Variants in PDE1A observed in about 807,000 individuals in gnomAD.
PDE1A encodes dual specificity calcium/calmodulin-dependent 3',5'-cyclic nucleotide phosphodiesterase 1A.
Under a neutral mutation model 61.7 loss-of-function variants are expected in PDE1A, and 35 were observed. That is an observed-to-expected ratio of 0.57 (90% CI 0.43 to 0.75). The LOEUF (loss-of-function observed/expected upper bound fraction) is 0.75, where lower values mean the gene tolerates loss of function less well. Ranked by LOEUF, PDE1A falls within the 30% of genes least tolerant of loss-of-function variation. The pLI is 0.00. For synonymous variants in PDE1A, 232 were observed against 213.2 expected, an observed-to-expected ratio of 1.09 and a Z score of -0.77; for missense variants, 597 against 630.6, an observed-to-expected ratio of 0.95 and a Z score of 0.57.
At chr2:182,609,462 A>G in the PDE1A span, among the ~76,000 whole-genome samples, 1 of 152,190 alleles carries the variant, frequency 6.6e-6, no homozygotes, top group African/African-American at 2.4e-5. Flanking sequence ...TTGGGTCCAC[A>G]CTTCCTTTAT....
intron 2 of PDE1A, among the ~76,000 whole-genome samples, chr2:182,489,163 C>A (rs957703863): frequency 6.6e-6 from 1 of 152,122 alleles, no homozygotes; most frequent in East Asian, 1.9e-4. Flanking sequence ...GTATCTCAGA[C>A]AAGAGTGTAC....
At chr2:182,642,848 A>G in the PDE1A span, among the ~76,000 whole-genome samples, 35 of 152,278 alleles carry the variant, frequency 2.3e-4, no homozygotes, top group Non-Finnish European at 4.4e-4. Flanking sequence ...TGCGTCTTCC[A>G]GTGACACTTT....
At chr2:182,453,153 T>C (rs186730564) in intron 2 of PDE1A, among the ~76,000 whole-genome samples, 4 of 152,260 alleles carry the variant, frequency 2.6e-5, no homozygotes, top group African/African-American at 9.6e-5. Context: ...TAAATTATAG[T>C]TTCTGCTCAA....
At chr2:182,679,599 A>G in the PDE1A span, among the ~76,000 whole-genome samples, 13 of 152,132 alleles carry the variant, frequency 8.5e-5, no homozygotes, top group Non-Finnish European at 1.9e-4. Context: ...AATTACAAAT[A>G]AGATAAAACT....
chr2:182,251,800 C>T (rs1691423335), intron 2 of PDE1A, among the ~76,000 whole-genome samples: 1 of 152,068 alleles, frequency 6.6e-6, no homozygotes, highest in African/African-American at 2.4e-5. Flanking sequence ...AGAAGAGTCC[C>T]CATGAAAGTA....
chr2:182,151,408 C>T (rs138342156), intron 13 of PDE1A, among the ~76,000 whole-genome samples: 26 of 152,210 alleles, frequency 1.7e-4, no homozygotes, highest in African/African-American at 5.5e-4. Flanking sequence ...CCCTGCCCCC[C>T]TCACAGCAAT....
intron 4 of PDE1A, among the ~76,000 whole-genome samples, chr2:182,233,419 A>G (rs1197865219): frequency 6.6e-6 from 1 of 152,184 alleles, no homozygotes; most frequent in African/African-American, 2.4e-5. Context: ...CTGATCTGAC[A>G]GGAGGCAGAG....
intron 1 of PDE1A, among the ~76,000 whole-genome samples, chr2:182,376,974 A>C (rs753013931): frequency 1.2e-4 from 18 of 152,208 alleles, no homozygotes; most frequent in Admixed American, 3.3e-4. Context: ...CCCATGATTC[A>C]AATTATCTTC....
At chr2:182,502,850 T>C (rs575220819) in intron 2 of PDE1A, among the ~76,000 whole-genome samples, 1 of 152,314 alleles carries the variant, frequency 6.6e-6, no homozygotes, top group East Asian at 1.9e-4. Flanking sequence ...TTTGTGCCTA[T>C]GGAGCTACCC....
chr2:182,526,906 C>A (rs929932969), upstream of PDE1A, among the ~76,000 whole-genome samples: 4 of 152,042 alleles, frequency 2.6e-5, no homozygotes, highest in East Asian at 1.9e-4. Flanking sequence ...TTATGAATAT[C>A]TGTTGCTATG....
the PDE1A span, among the ~76,000 whole-genome samples, chr2:182,716,685 A>T: frequency 4.9e-3 from 740 of 152,202 alleles, 13 homozygotes; most frequent in African/African-American, 0.017. Context: ...CCTCTCAGTT[A>T]CTTACACTTT....
chr2:182,547,337 C>T, the PDE1A span, among the ~76,000 whole-genome samples: 1 of 152,072 alleles, frequency 6.6e-6, no homozygotes, highest in African/African-American at 2.4e-5. Flanking sequence ...AATAAATCTA[C>T]CCCCACAAAA....
At chr2:182,714,372 T>C in the PDE1A span, among the ~76,000 whole-genome samples, 4 of 152,160 alleles carry the variant, frequency 2.6e-5, no homozygotes, top group African/African-American at 9.7e-5. Context: ...ATCTAGACAT[T>C]ACCCATGAGT....
At chr2:182,377,650 A>G (rs1700489049) in intron 1 of PDE1A, among the ~76,000 whole-genome samples, 1 of 152,138 alleles carries the variant, frequency 6.6e-6, no homozygotes, top group Non-Finnish European at 1.5e-5. Context: ...TAATTACACA[A>G]TCTCTTTATG....
At position 182,204,012 on chromosome 2, in the gene PDE1A, C is replaced by A. The variant is rs548187873; in HGVS notation, c.902+1928G>T. ...TACCAAACAGAAACTTAGACAATTA[C>A]AGCAATAAACTATTAGAATAAAATA... On this transcript the variant is annotated intron_variant, in intron 8 of 13. Transcript: ENST00000351439. Among the ~76,000 whole-genome samples the A allele has an allele frequency of 2.0e-5, 3 of 152,046 alleles. No individual in the cohort carries two copies. The South Asian group carries it at 6.2e-4, about 32-fold the overall frequency.
the PDE1A span, among the ~76,000 whole-genome samples, chr2:182,655,897 T>C: frequency 6.6e-6 from 1 of 152,328 alleles, no homozygotes; most frequent in South Asian, 2.1e-4. Context: ...ACTGTCACAA[T>C]TAAATTCCAG....
chr2:182,359,683 T>C (rs964376424), intron 1 of PDE1A, among the ~76,000 whole-genome samples: 3 of 152,114 alleles, frequency 2.0e-5, no homozygotes, highest in Non-Finnish European at 4.4e-5. Context: ...TTGTATGCCA[T>C]AGAAACACTT....
intron 1 of PDE1A, 144 bp downstream of exon 1, chr2:182,426,434 C>T: frequency 1.7e-6 from 1 of 586,396 alleles, no homozygotes; most frequent in Non-Finnish European, 3.1e-6. Flanking sequence ...AACAAAAAGG[C>T]TCCCTCAGTA....
At chr2:182,647,312 A>G in the PDE1A span, among the ~76,000 whole-genome samples, 1 of 152,210 alleles carries the variant, frequency 6.6e-6, no homozygotes, top group Non-Finnish European at 1.5e-5. Flanking sequence ...TACTGAATGG[A>G]TGGATCAGCA....
Sources: allele counts gnomAD v4.1 joint callset (sites outside exome capture counted in the v4.1 genomes callset), GRCh38; gene constraint gnomAD v4.1.1; transcripts MANE v1.5; gene names NCBI Gene and HGNC (gene_info 2026-07-23, HGNC 2026-07-21).